Variants in ANKRD6 observed in about 807,000 individuals in gnomAD.
ANKRD6 encodes the protein ankyrin repeat domain-containing protein 6.
A neutral mutation model predicts 82.3 loss-of-function variants in ANKRD6; 56 were observed. The observed-to-expected ratio is 0.68, with a 90% CI of 0.55 to 0.85. The LOEUF (loss-of-function observed/expected upper bound fraction) is 0.85. ANKRD6 is among the 40% of genes least tolerant of loss of function. The pLI, the probability that ANKRD6 is intolerant of heterozygous loss-of-function variation, is 0.00. For synonymous variants in ANKRD6, 347 were observed against 352.1 expected, an observed-to-expected ratio of 0.99 and a Z score of 0.16; for missense variants, 852 against 907.6, an observed-to-expected ratio of 0.94 and a Z score of 0.79.
intron 1 of ANKRD6, among the ~76,000 whole-genome samples, chr6:89,559,658 G>A (rs1305000122): frequency 6.6e-6 from 1 of 152,192 alleles, no homozygotes; most frequent in African/African-American, 2.4e-5. Flanking sequence ...CAGGGGTTGA[G>A]GGTGGTGAGA....
chr6:89,621,084 T>A (rs983916993), intron 9 of ANKRD6: 4 of 151,808 alleles, frequency 2.6e-5, no homozygotes, highest in Non-Finnish European at 5.9e-5. Context: ...AAAATAATAA[T>A]AAAAAAATAA....
At chr6:89,459,697 C>T (rs540030498) in intron 1 of ANKRD6, among the ~76,000 whole-genome samples, 28 of 152,198 alleles carry the variant, frequency 1.8e-4, no homozygotes, top group African/African-American at 6.3e-4. Context: ...GAGATAGAGT[C>T]TTGCTGTGTT....
At chr6:89,435,450 A>G (rs972268209) in intron 1 of ANKRD6, among the ~76,000 whole-genome samples, 12 of 152,208 alleles carry the variant, frequency 7.9e-5, no homozygotes, top group African/African-American at 2.7e-4. Flanking sequence ...TTTCCCAACA[A>G]GCATTTCCAC....
intron 2 of ANKRD6, 75 bp downstream of exon 2, chr6:89,567,171 T>C: frequency 6.5e-7 from 1 of 1,528,442 alleles, no homozygotes; most frequent in African/African-American, 1.4e-5. Context: ...GAAAAACTGC[T>C]GTGTTTGGTT....
chr6:89,510,302 A>G (rs950320473), intron 1 of ANKRD6, among the ~76,000 whole-genome samples: 1 of 152,172 alleles, frequency 6.6e-6, no homozygotes, highest in East Asian at 1.9e-4. Flanking sequence ...ATCTTGAGTC[A>G]CATAATAATC....
At chr6:89,480,320 G>C (rs1483144789) in intron 1 of ANKRD6, among the ~76,000 whole-genome samples, 1 of 152,138 alleles carries the variant, frequency 6.6e-6, no homozygotes, top group African/African-American at 2.4e-5. Context: ...TACTGTAATA[G>C]AGTAACAGAG....
intron 15 of ANKRD6, 32 bp downstream of exon 15, chr6:89,629,270 A>G (rs762499711): frequency 4.4e-5 from 71 of 1,613,012 alleles, no homozygotes; most frequent in Non-Finnish European, 5.8e-5. Context: ...CTTTTGTCCA[A>G]AAGGAACACG....
At chr6:89,571,917 A>G (rs913688205) in intron 2 of ANKRD6, among the ~76,000 whole-genome samples, 5 of 152,142 alleles carry the variant, frequency 3.3e-5, no homozygotes, top group Admixed American at 2.6e-4. Flanking sequence ...TGCTTCACCT[A>G]TTTATCCCCT....
At chr6:89,438,357 G>A (rs747084505) in intron 1 of ANKRD6, among the ~76,000 whole-genome samples, 1 of 152,162 alleles carries the variant, frequency 6.6e-6, no homozygotes, top group South Asian at 2.1e-4. Flanking sequence ...CAGAGTCACT[G>A]CAAGGGGGAA....
chr6:89,454,727 C>T (rs942998265), intron 1 of ANKRD6, among the ~76,000 whole-genome samples: 6 of 152,188 alleles, frequency 3.9e-5, no homozygotes, highest in African/African-American at 1.4e-4. Context: ...AGACTACCTG[C>T]ATGATTCTTT....
In ANKRD6 at chr6:89,536,161, C is replaced by T. The variant is rs765857836; in HGVS notation, c.-143-30673C>T. 9.2e-5 allele frequency among the ~76,000 whole-genome samples: 14 copies of T among 152,126 alleles called. No individual in the cohort carries two copies. The East Asian group carries it at 1.2e-3, about 13-fold the overall frequency. ...ATGATAATCCCTTGAACCTGGAAAA[C>T]GGAGGTTGCACTAAGCCGAGATCGC... On this transcript the variant is annotated intron_variant, in intron 1 of 15. Transcript: ENST00000339746.
chr6:89,624,079 G>C, intron 12 of ANKRD6, 22 bp downstream of exon 12: 1 of 1,597,420 alleles, frequency 6.3e-7, no homozygotes, highest in Non-Finnish European at 8.5e-7. Flanking sequence ...GCAGTGTCAG[G>C]AGAAGGGAAC....
intron 1 of ANKRD6, among the ~76,000 whole-genome samples, chr6:89,555,343 T>C (rs1192669015): frequency 6.6e-6 from 1 of 152,010 alleles, no homozygotes; most frequent in East Asian, 1.9e-4. Context: ...TTGATAAGTA[T>C]TACAGTGAGA....
chr6:89,551,881 G>T (rs573415360), intron 1 of ANKRD6, among the ~76,000 whole-genome samples: 95 of 152,256 alleles, frequency 6.2e-4, no homozygotes, highest in African/African-American at 2.2e-3. Flanking sequence ...TATCCCTGGG[G>T]CTGATTCTGG....
intron 1 of ANKRD6, among the ~76,000 whole-genome samples, chr6:89,508,166 C>T (rs1021092265): frequency 6.6e-6 from 1 of 152,094 alleles, no homozygotes; most frequent in African/African-American, 2.4e-5. Flanking sequence ...TTTAGTATTC[C>T]GTACTGTTTT....
At chr6:89,621,605 C>A in intron 9 of ANKRD6, 1 of 294,186 alleles carries the variant, frequency 3.4e-6, no homozygotes, top group Non-Finnish European at 6.6e-6. Flanking sequence ...ATGTGAATGG[C>A]ACTCCCTGGA....
chr6:89,625,923 C>T (rs182733806), intron 13 of ANKRD6, among the ~76,000 whole-genome samples: 341 of 151,922 alleles, frequency 2.2e-3, no homozygotes, highest in African/African-American at 7.5e-3. Context: ...TTGGTAGAGA[C>T]GGGGTTTCAC....
chr6:89,463,203 A>G (rs1243427464), intron 1 of ANKRD6, among the ~76,000 whole-genome samples: 5 of 152,192 alleles, frequency 3.3e-5, no homozygotes, highest in African/African-American at 4.8e-5. Context: ...GAAGTAAAAT[A>G]TATAAGAGCA....
rs142662678 is a variant in ANKRD6 at position 89,438,019 on chromosome 6, T to C, written c.-144+4644T>C. ...TTGTTGCCCAGGCTCACACTGGTTT[T>C]AAACTCAGATGAATGGGGTAGGTAA... On this transcript the variant is annotated intron_variant, in intron 1 of 15. Coordinates refer to ENST00000339746, the MANE Select transcript of ANKRD6 (RefSeq NM_001242809.2). 2.4e-3 allele frequency among the ~76,000 whole-genome samples: 360 copies of C among 152,272 alleles called. 1 individual carries two copies. The highest frequency in any genetic ancestry group is 8.3e-3 in the African/African-American group (343 of 41,558).
Sources: gnomAD v4.1 joint callset for allele counts (sites outside exome capture counted in the v4.1 genomes callset) on GRCh38, gnomAD v4.1.1 for gene constraint, MANE v1.5 for transcripts, NCBI Gene and HGNC (gene_info 2026-07-23, HGNC 2026-07-21) for gene names.